The following RAB11FIP3 variants were observed in gnomAD, a reference collection of about 807,000 sequenced individuals.
RAB11FIP3 encodes RAB11 family interacting protein 3.
RAB11FIP3 carries 17 observed loss-of-function variants against 77.8 expected under a neutral mutation model. The ratio of observed to expected loss-of-function variants is 0.22; its 90% CI spans 0.15 to 0.33. The LOEUF is 0.33. Among genes scored for constraint, RAB11FIP3 ranks in the 10% least tolerant of loss-of-function variants. The probability of loss-of-function intolerance (pLI) is 1.00; values close to 1 mark genes in which losing one functional copy is unlikely to be tolerated. For missense variants in RAB11FIP3, 1,005 were observed against 1,011.2 expected (o/e 0.99, Z 0.08); for synonymous variants, 437 against 448.2 (o/e 0.98, Z 0.31).
chr16:475,148 G>C, intron 3 of RAB11FIP3: 1 of 1,510,790 alleles, frequency 6.6e-7, no homozygotes, highest in Admixed American at 2.1e-5. Flanking sequence ...TATTTCTGTG[G>C]TGGAGAGAGG....
chr16:487,282 C>T (rs975646154), intron 4 of RAB11FIP3, among the ~76,000 whole-genome samples: 132 of 152,272 alleles, frequency 8.7e-4, no homozygotes, highest in African/African-American at 3.0e-3. Flanking sequence ...AGGCACCCGC[C>T]ACCACCCCCA....
At chr16:458,236 C>T (rs2055536084) in intron 1 of RAB11FIP3, among the ~76,000 whole-genome samples, 1 of 152,358 alleles carries the variant, frequency 6.6e-6, no homozygotes, top group Admixed American at 6.5e-5. Context: ...GGATTGCCTC[C>T]TGGGCGATGC....
At chr16:517,099 G>A (rs763328377) in intron 9 of RAB11FIP3, among the ~76,000 whole-genome samples, 2 of 152,134 alleles carry the variant, frequency 1.3e-5, no homozygotes, top group Admixed American at 1.3e-4. Flanking sequence ...GAAGGGCCCC[G>A]CACCTCTGTG....
intron 6 of RAB11FIP3, chr16:497,097 G>A (rs2031202481): frequency 5.5e-6 from 3 of 547,996 alleles, no homozygotes; most frequent in African/African-American, 3.9e-5. Flanking sequence ...TTTTGGTGCT[G>A]GGCCTCTTGT....
intron 9 of RAB11FIP3, among the ~76,000 whole-genome samples, chr16:517,862 C>T (rs1464591263): frequency 1.3e-5 from 2 of 152,146 alleles, no homozygotes; most frequent in African/African-American, 4.8e-5. Context: ...GCAGGTGGAT[C>T]ACCAGGTCAG....
chr16:443,355 A>AT (rs1461966410), intron 1 of RAB11FIP3, among the ~76,000 whole-genome samples: 4 of 152,250 alleles, frequency 2.6e-5, no homozygotes, highest in Non-Finnish European at 5.9e-5. Context: ...AAAGAAGTAA[A>AT]TAAAAATAAT....
chr16:426,085 C>T lies in RAB11FIP3; in HGVS notation c.79C>T (p.Pro27Ser), dbSNP rs2054935252. Residue 27 changes from proline to serine, a missense_variant, in exon 1 of 14, where the codon CCG (proline) becomes TCG (serine). By Grantham distance (74) the Pro-to-Ser change is moderately conservative. Around this residue, in one of 4 missense-constraint regions of RAB11FIP3, gnomAD observed 466 missense variants for 408.3 expected, o/e 1.14. Coordinates refer to ENST00000262305, the MANE Select transcript of RAB11FIP3 (RefSeq NM_014700.4). The surrounding 1 kb of genome is among the most constrained non-coding windows in gnomAD (Gnocchi z 5.0). ...CCCGGAGCCGGGCGGGCCGGACGGG[C>T]CGGGGGCGGCACAACTGGCTCCGGG... ...PDPEPGGPDGPGAAQLAPGPA... is the reference protein window; with the variant it reads ...PDPEPGGPDGSGAAQLAPGPA... 2 of 1,002,632 alleles carry T rather than the reference C, an allele frequency of 2.0e-6. No homozygotes were observed. The highest frequency in any genetic ancestry group is 2.1e-4 in the East Asian group (2 of 9,672). The allele number at this position is 1,002,632 out of a possible 1,614,324, so 62.1% of individuals were successfully genotyped here.
chr16:446,196 A>AGTTAG (rs2055314438), intron 1 of RAB11FIP3, among the ~76,000 whole-genome samples: 2 of 152,086 alleles, frequency 1.3e-5, no homozygotes, highest in African/African-American at 4.8e-5. Flanking sequence ...GTGAGCCATG[A>AGTTAG]TCACTCCTGT....
intron 5 of RAB11FIP3, 131 bp from the exon 6 acceptor site, chr16:496,693 G>A: frequency 1.2e-6 from 1 of 848,478 alleles, no homozygotes. Flanking sequence ...ACTTGCCTGG[G>A]GGGCCCTGCA....
chr16:491,671 A>T (rs12926714), intron 5 of RAB11FIP3, among the ~76,000 whole-genome samples: 61,564 of 151,876 alleles, frequency 0.41, 13,655 homozygotes, highest in Middle Eastern at 0.52. Flanking sequence ...TGGAGTTTTG[A>T]ATACTCACAG....
intron 8 of RAB11FIP3, among the ~76,000 whole-genome samples, chr16:510,104 G>A (rs975183519): frequency 2.8e-5 from 4 of 144,614 alleles, no homozygotes; most frequent in Admixed American, 6.9e-5. Flanking sequence ...GCCCCGTCCC[G>A]AGTCCCCGTG....
chr16:488,151 T>A (rs1044636454), intron 4 of RAB11FIP3, among the ~76,000 whole-genome samples: 3 of 152,080 alleles, frequency 2.0e-5, no homozygotes, highest in Non-Finnish European at 4.4e-5. Flanking sequence ...GAGGCCGAGG[T>A]GGGTGGATCA....
chr16:427,519 C>T (rs910667944), intron 1 of RAB11FIP3, among the ~76,000 whole-genome samples: 2 of 152,252 alleles, frequency 1.3e-5, no homozygotes, highest in African/African-American at 4.8e-5. Flanking sequence ...GCAGTTGTTC[C>T]TGTCTACCTC....
At chr16:486,851 G>C (rs2056164823) in intron 4 of RAB11FIP3, among the ~76,000 whole-genome samples, 2 of 152,230 alleles carry the variant, frequency 1.3e-5, no homozygotes, top group Non-Finnish European at 2.9e-5. Context: ...CCTGCTGGCC[G>C]ATGGACCAGT....
rs775497788 is a variant in RAB11FIP3, at chr16:519,064, A to C, written c.1722+40A>C. On this transcript the variant is annotated intron_variant, in intron 10 of 13. Coordinates refer to ENST00000262305, the MANE Select transcript of RAB11FIP3 (RefSeq NM_014700.4). ...GCCTGGAGCTGTGGCCAGTGGGGCC[A>C]GCCCATGCCCTGCCTGTGGGGCAGC... 4 of 1,596,706 alleles carry C rather than the reference A, an allele frequency of 2.5e-6. No homozygotes were observed. In the Admixed American group the frequency reaches 5.0e-5, roughly 20 times the overall value.
intron 2 of RAB11FIP3, among the ~76,000 whole-genome samples, chr16:463,597 C>T (rs2055655057): frequency 6.6e-6 from 1 of 152,018 alleles, no homozygotes; most frequent in Non-Finnish European, 1.5e-5. Flanking sequence ...TGCCATTGCG[C>T]CCAGCTAATT....
chr16:450,125 C>T lies in RAB11FIP3; in HGVS notation c.715-11279C>T, dbSNP rs1051168470. Among the ~76,000 whole-genome samples the T allele has an allele frequency of 2.0e-5, 3 of 152,076 alleles. No individual in the cohort carries two copies. The South Asian group carries it at 6.2e-4, about 31-fold the overall frequency. On this transcript the variant is annotated intron_variant, in intron 1 of 13. Transcript: ENST00000262305. Reference sequence around the variant, plus strand: ...GGAAGCCAGGTCACTACCCAGGCCACCTACAAGGAAGTTCACCATTTGACC... The same window carrying T: ...GGAAGCCAGGTCACTACCCAGGCCATCTACAAGGAAGTTCACCATTTGACC...
chr16:458,499 GCCCACAGGGCCTGGGGGGCC>G (rs2055543317), intron 1 of RAB11FIP3, among the ~76,000 whole-genome samples: 6 of 135,042 alleles, frequency 4.4e-5, no homozygotes, highest in African/African-American at 1.7e-4. Flanking sequence ...GTTCACCGAT[GCCCACAGGGCCTGGGGGGCC>G]TTCCTCGGGT....
chr16:488,207 C>T (rs1249613807), intron 4 of RAB11FIP3, among the ~76,000 whole-genome samples: 3 of 152,046 alleles, frequency 2.0e-5, no homozygotes, highest in Non-Finnish European at 2.9e-5. Context: ...GGTGAAACCC[C>T]GTCTCTACTA....
Sources: gnomAD v4.1 joint callset for allele counts (sites outside exome capture counted in the v4.1 genomes callset) on GRCh38, gnomAD v4.1.1 for gene constraint, gnomAD v4.1.1 regional missense constraint, Gnocchi (gnomAD v3.1) non-coding constraint, MANE v1.5 for transcripts, NCBI Gene and HGNC (gene_info 2026-07-23, HGNC 2026-07-21) for gene names.